PPM1E: variants seen among roughly 807,000 people sequenced by gnomAD.
PPM1E encodes the protein protein phosphatase, Mg2+/Mn2+ dependent 1E.
A neutral mutation model predicts 65.9 loss-of-function variants in PPM1E; 20 were observed. The observed-to-expected ratio is 0.30, with a 90% CI of 0.21 to 0.44. The LOEUF is 0.44. Ranked by LOEUF, PPM1E falls within the 20% of genes least tolerant of loss-of-function variation. The pLI is 1.00. For synonymous variants in PPM1E, 352 were observed against 374.9 expected, an observed-to-expected ratio of 0.94 and a Z score of 0.70; for missense variants, 713 against 953.1, an observed-to-expected ratio of 0.75 and a Z score of 3.32.
At chr17:58,823,318 G>T (rs567923410) in intron 1 of PPM1E, among the ~76,000 whole-genome samples, 1 of 152,244 alleles carries the variant, frequency 6.6e-6, no homozygotes, top group Non-Finnish European at 1.5e-5. Flanking sequence ...TAATGGAAAA[G>T]AATCATGTGG....
chr17:58,785,458 T>TTTTATATATATATATA (rs1428055897), intron 1 of PPM1E: 11 of 88,968 alleles, frequency 1.2e-4, no homozygotes, highest in African/African-American at 5.4e-4. Context: ...CCTGGCTAAT[T>TTTTATATATATATATA]TATATATATA....
intron 1 of PPM1E, among the ~76,000 whole-genome samples, chr17:58,803,888 G>A (rs1440150151): frequency 1.3e-5 from 2 of 152,154 alleles, no homozygotes; most frequent in African/African-American, 4.8e-5. Context: ...TTGAATAGTA[G>A]TGTTTTAAAA....
intron 1 of PPM1E, among the ~76,000 whole-genome samples, chr17:58,889,569 A>C (rs2051321028): frequency 6.6e-6 from 1 of 152,224 alleles, no homozygotes; most frequent in South Asian, 2.1e-4. Flanking sequence ...ACTGCACTGC[A>C]GCCTGGCAAT....
intron 6 of PPM1E, among the ~76,000 whole-genome samples, chr17:58,974,609 A>G (rs768863344): frequency 2.8e-4 from 42 of 152,176 alleles, no homozygotes; most frequent in Admixed American, 2.0e-4. Flanking sequence ...GAATAAATCA[A>G]TATGTATATC....
chr17:58,773,455 G>GT (rs2049960400), intron 1 of PPM1E, among the ~76,000 whole-genome samples: 2 of 152,078 alleles, frequency 1.3e-5, no homozygotes, highest in Admixed American at 6.6e-5. Flanking sequence ...TTCAAATGCT[G>GT]TATCTTACTA....
chr17:58,953,811 G>C (rs1172562061), intron 1 of PPM1E, among the ~76,000 whole-genome samples: 2 of 146,964 alleles, frequency 1.4e-5, no homozygotes, highest in African/African-American at 5.1e-5. Context: ...GCAATGGCAC[G>C]ATCTCGGCTC....
At chr17:58,864,802 G>C (rs2050981926) in intron 1 of PPM1E, among the ~76,000 whole-genome samples, 1 of 152,068 alleles carries the variant, frequency 6.6e-6, no homozygotes, top group Non-Finnish European at 1.5e-5. Flanking sequence ...CGGGTGTGGT[G>C]GCAGGCGCCT....
At chr17:58,932,839 C>A (rs1267604754) in intron 1 of PPM1E, among the ~76,000 whole-genome samples, 2 of 152,188 alleles carry the variant, frequency 1.3e-5, no homozygotes, top group Non-Finnish European at 2.9e-5. Context: ...CACCCCACAA[C>A]AACATTTTAG....
intron 1 of PPM1E, among the ~76,000 whole-genome samples, chr17:58,806,769 G>A (rs941761903): frequency 1.4e-5 from 2 of 147,180 alleles, no homozygotes; most frequent in Non-Finnish European, 3.0e-5. Flanking sequence ...GCGCCATCTC[G>A]GCTCACTGCA....
chr17:58,812,491 G>A lies in PPM1E; in HGVS notation c.464+56030G>A, dbSNP rs561389366. On this transcript the variant is annotated intron_variant, in intron 1 of 6. Coordinates refer to ENST00000308249, the MANE Select transcript of PPM1E (RefSeq NM_014906.5). ...ATCTGATCACCTGAGGTGCCTAGAAGTATTTACTTTCTTACATTGTTTGAG... is the reference window on the plus strand; with the variant it reads ...ATCTGATCACCTGAGGTGCCTAGAAATATTTACTTTCTTACATTGTTTGAG... Among the ~76,000 whole-genome samples the A allele has an allele frequency of 3.1e-4, 47 of 152,110 alleles. 1 individual carries two copies. The Middle Eastern group carries it at 0.01, about 33-fold the overall frequency.
chr17:58,851,509 C>T (rs990391141), intron 1 of PPM1E, among the ~76,000 whole-genome samples: 1 of 152,176 alleles, frequency 6.6e-6, no homozygotes, highest in Non-Finnish European at 1.5e-5. Context: ...AGTCAGGACC[C>T]TCAGCTGCAG....
rs35912480 is a variant in PPM1E at position 58,762,897 on chromosome 17, C to CA, written c.464+6456dup. On this transcript the variant is annotated intron_variant, in intron 1 of 6. Coordinates refer to ENST00000308249, the MANE Select transcript of PPM1E (RefSeq NM_014906.5). ...TGGGCGACAGAGCGAGACTCCGTCT[C>CA]AAAAAAAAAAAAAAAAAAAATTTGT... 5.4e-3 allele frequency among the ~76,000 whole-genome samples: 503 copies of CA among 92,936 alleles called. 2 individuals carry two copies. The highest frequency in any genetic ancestry group is 0.012 in the African/African-American group (284 of 24,518). 61.0% of individuals were successfully genotyped at this position (92,936 alleles called of 152,430 possible).
At chr17:58,932,249 A>G (rs1168882648) in intron 1 of PPM1E, among the ~76,000 whole-genome samples, 1 of 152,220 alleles carries the variant, frequency 6.6e-6, no homozygotes. Flanking sequence ...TGGATGAATC[A>G]CTTGAGGTCA....
At chr17:58,776,066 G>A (rs913488763) in intron 1 of PPM1E, among the ~76,000 whole-genome samples, 1 of 152,090 alleles carries the variant, frequency 6.6e-6, no homozygotes, top group African/African-American at 2.4e-5. Context: ...GCCAGACATG[G>A]TGGCTCACGC....
At chr17:58,756,878 C>T (rs920438358) in intron 1 of PPM1E, among the ~76,000 whole-genome samples, 37 of 152,184 alleles carry the variant, frequency 2.4e-4, no homozygotes, top group Non-Finnish European at 5.1e-4. Context: ...GGGAGGTTTC[C>T]TCCCACCCCA....
chr17:58,933,286 A>G (rs2051927612), intron 1 of PPM1E, among the ~76,000 whole-genome samples: 2 of 152,284 alleles, frequency 1.3e-5, no homozygotes, highest in South Asian at 4.1e-4. Context: ...TTTAAAACTC[A>G]CTGATTTAAC....
intron 1 of PPM1E, among the ~76,000 whole-genome samples, chr17:58,935,207 T>G (rs2051962320): frequency 7.0e-6 from 1 of 142,660 alleles, no homozygotes; most frequent in Non-Finnish European, 1.5e-5. Flanking sequence ...GCTGAGATAA[T>G]GCCACGCACT....
intron 1 of PPM1E, among the ~76,000 whole-genome samples, chr17:58,774,577 G>A (rs1598562392): frequency 6.6e-6 from 1 of 152,196 alleles, no homozygotes; most frequent in East Asian, 1.9e-4. Flanking sequence ...GCCTTTTAGG[G>A]CATGCTTCTT....
At chr17:58,815,737 A>C (rs936507348) in intron 1 of PPM1E, among the ~76,000 whole-genome samples, 1 of 152,178 alleles carries the variant, frequency 6.6e-6, no homozygotes, top group Non-Finnish European at 1.5e-5. Flanking sequence ...TGCAAGTTTT[A>C]GGATATTATA....
Sources: allele counts gnomAD v4.1 joint callset (sites outside exome capture counted in the v4.1 genomes callset), GRCh38; gene constraint gnomAD v4.1.1; transcripts MANE v1.5; gene names NCBI Gene and HGNC (gene_info 2026-07-23, HGNC 2026-07-21).